The following KCNQ1 variants were observed in gnomAD, a reference collection of about 807,000 sequenced individuals.
KCNQ1 encodes the protein potassium voltage-gated channel subfamily Q member 1, also known as potassium voltage-gated channel subfamily KQT member 1.
Under a neutral mutation model 72.4 loss-of-function variants are expected in KCNQ1, and 49 were observed. The observed-to-expected ratio is 0.68, with a 90% CI of 0.54 to 0.86. The LOEUF (loss-of-function observed/expected upper bound fraction) is 0.86. KCNQ1 is among the 40% of genes least tolerant of loss of function. The pLI is 0.00. For missense variants in KCNQ1, 790 were observed against 945.1 expected (o/e 0.84, Z 2.15); for synonymous variants, 450 against 412.6 (o/e 1.09, Z -1.10).
rs1384357282 is a variant in KCNQ1, at chr11:2,478,231, CA to C, written c.386+32753del. Among the ~76,000 whole-genome samples, 3 of 151,962 alleles carry C rather than the reference CA, an allele frequency of 2.0e-5. No individual in the cohort carries two copies. Among genetic ancestry groups the C allele is most frequent in the African/African-American group, 7.3e-5 (3 of 41,360 alleles). The stretch of plus-strand genomic sequence containing the variant: ...CTGAATACTTTGAAAATGCCAGGGC[CA>C]AAAAACGTAGAAGGCTAAATAAAGT... On this transcript the variant is annotated intron_variant, in intron 1 of 15. Coordinates refer to ENST00000155840, the MANE Select transcript of KCNQ1 (RefSeq NM_000218.3). This position sits in a 1 kb window ranked among gnomAD's most constrained non-coding sequence, Gnocchi z 4.0.
rs372747884 is a variant in KCNQ1 at position 2,710,988 on chromosome 11, A to T, written c.1514+48907A>T. ...CTTGAATTTCCATATGAATTTTACA[A>T]TCAGCTTGTCAATTTCTGCAAAGAA... On this transcript the variant is annotated intron_variant, in intron 11 of 15. Coordinates refer to ENST00000155840, the MANE Select transcript of KCNQ1 (RefSeq NM_000218.3). The surrounding 1 kb of genome is among the most constrained non-coding windows in gnomAD (Gnocchi z 4.1). Among the ~76,000 whole-genome samples the T allele has an allele frequency of 6.6e-6, 1 of 152,180 alleles. No homozygotes were observed. Among genetic ancestry groups the T allele is most frequent in the Admixed American group, 6.5e-5 (1 of 15,278 alleles).
At chr11:2,489,653 G>A (rs576672347) in intron 1 of KCNQ1, among the ~76,000 whole-genome samples, 1 of 152,332 alleles carries the variant, frequency 6.6e-6, no homozygotes, top group South Asian at 2.1e-4. Context: ...GAGCAGTAAA[G>A]AGAACATTGT....
Position 2,540,356 on chromosome 11 carries a change from G to A in KCNQ1, c.477+12338G>A, listed in dbSNP as rs369538136. 5.9e-5 allele frequency among the ~76,000 whole-genome samples: 9 copies of A among 152,242 alleles called. No individual in the cohort carries two copies. In the East Asian group the frequency reaches 9.6e-4, roughly 16 times the overall value. On this transcript the variant is annotated intron_variant, in intron 2 of 15. Transcript: ENST00000155840. ...GTGTCATCATGTGACTTTGCAGGTTGGGGGGACAGGGCTCGGTGCGGCCTC... is the reference window on the plus strand; with the variant it reads ...GTGTCATCATGTGACTTTGCAGGTTAGGGGGACAGGGCTCGGTGCGGCCTC...
At chr11:2,684,893 A>G in intron 11 of KCNQ1, 1 of 398,670 alleles carries the variant, frequency 2.5e-6, no homozygotes, top group Non-Finnish European at 4.4e-6. Flanking sequence ...TTCTTTCACT[A>G]CATCATAAGG....
intron 8 of KCNQ1, 68 bp from the exon 9 acceptor site, chr11:2,587,502 G>T: frequency 1.2e-6 from 2 of 1,605,456 alleles, no homozygotes; most frequent in South Asian, 1.1e-5. Context: ...AGGGGGAGCT[G>T]TAGCTTCCAT....
In KCNQ1 at chr11:2,630,682, A is replaced by G. The variant is rs1156785419; in HGVS notation, c.1394-31279A>G. The G allele has an allele frequency of 2.0e-5, 8 of 398,368 alleles. No individual in the cohort carries two copies. In the South Asian group the frequency reaches 3.8e-4, roughly 19 times the overall value. The allele number at this position is 398,368 out of a possible 1,614,324, so 24.7% of individuals were successfully genotyped here. On this transcript the variant is annotated intron_variant, in intron 10 of 15. Coordinates refer to ENST00000155840, the MANE Select transcript of KCNQ1 (RefSeq NM_000218.3). The stretch of plus-strand genomic sequence containing the variant: ...ATATTTATTTATCAGTGAATTTTGT[A>G]CTTTCATATGTTTTCATGTTACTAA...
intron 10 of KCNQ1, chr11:2,641,349 A>G: frequency 5.0e-6 from 2 of 398,048 alleles, no homozygotes; most frequent in Non-Finnish European, 8.9e-6. Flanking sequence ...AGCCATTCTC[A>G]CTATGGTTTT....
rs1847627092 is a variant in KCNQ1, at chr11:2,816,992, C to T, written c.1795-30775C>T. 6.6e-6 allele frequency among the ~76,000 whole-genome samples: 1 copy of T among 152,108 alleles called. No homozygotes were observed. Among genetic ancestry groups the T allele is most frequent in the African/African-American group, 2.4e-5 (1 of 41,434 alleles). ...CTTGGTCCCTGTCCGCAGAGGGTGT[C>T]AGGGCTTGAGGTCAACAGGGAGGTC... On this transcript the variant is annotated intron_variant, in intron 15 of 15. Coordinates refer to ENST00000155840, the MANE Select transcript of KCNQ1 (RefSeq NM_000218.3). This position sits in a 1 kb window ranked among gnomAD's most constrained non-coding sequence, Gnocchi z 6.8.
In KCNQ1 at chr11:2,752,792, A is replaced by G. The variant is rs540204304; in HGVS notation, c.1515-16052A>G. Among the ~76,000 whole-genome samples the G allele has an allele frequency of 6.6e-6, 1 of 152,318 alleles. No individual in the cohort carries two copies. Among genetic ancestry groups the G allele is most frequent in the African/African-American group, 2.4e-5 (1 of 41,580 alleles). On this transcript the variant is annotated intron_variant, in intron 11 of 15. Coordinates refer to ENST00000155840, the MANE Select transcript of KCNQ1 (RefSeq NM_000218.3). The surrounding 1 kb of genome is among the most constrained non-coding windows in gnomAD (Gnocchi z 5.2). ...GGGAAGACACACACATTCAGACTAC[A>G]GCACCTTGCTCCTGGGGAAACAGAG...
At chr11:2,530,427 GGGGCCAAGGATGCCAGT>G (rs1291160979) in intron 2 of KCNQ1, among the ~76,000 whole-genome samples, 1 of 152,260 alleles carries the variant, frequency 6.6e-6, no homozygotes, top group Non-Finnish European at 1.5e-5. Context: ...TGGAGGGCCT[GGGGCCAAGGATGCCAGT>G]GGTTCCCAGG....
In KCNQ1 at chr11:2,658,660, G is replaced by A. The variant is rs1395085613; in HGVS notation, c.1394-3301G>A. ...TGGCTACTAGGGTATCATTGCTTCA[G>A]TCTCCTCTCAGTGGACAGAGCTAGG... On this transcript the variant is annotated intron_variant, in intron 10 of 15. Coordinates refer to ENST00000155840, the MANE Select transcript of KCNQ1 (RefSeq NM_000218.3). This position sits in a 1 kb window ranked among gnomAD's most constrained non-coding sequence, Gnocchi z 4.9. 5.0e-6 allele frequency: 2 copies of A among 398,338 alleles called. No individual in the cohort carries two copies. Among genetic ancestry groups the A allele is most frequent in the African/African-American group, 4.1e-5 (2 of 48,562 alleles). The allele number at this position is 398,338 out of a possible 1,614,324, so 24.7% of individuals were successfully genotyped here.
rs1012387737 is a variant in KCNQ1 at position 2,492,810 on chromosome 11, A to C, written c.387-35118A>C. 6.6e-6 allele frequency among the ~76,000 whole-genome samples: 1 copy of C among 152,212 alleles called. No individual in the cohort carries two copies. Among genetic ancestry groups the C allele is most frequent in the African/African-American group, 2.4e-5 (1 of 41,436 alleles). On this transcript the variant is annotated intron_variant, in intron 1 of 15. Transcript: ENST00000155840. This position sits in a 1 kb window ranked among gnomAD's most constrained non-coding sequence, Gnocchi z 4.1. Reference sequence around the variant, plus strand: ...GCTATTGTAAATAGTGGTGCAGTAAACATATGTGTGCATGTGTCTTTATAG... The same window carrying C: ...GCTATTGTAAATAGTGGTGCAGTAACCATATGTGTGCATGTGTCTTTATAG...
rs267602833 is a variant in KCNQ1 at position 2,588,749 on chromosome 11, G to A, written c.1288G>A (p.Gly430Arg). 6.2e-7 allele frequency: 1 copy of A among 1,613,652 alleles called. No homozygotes were observed. Among genetic ancestry groups the A allele is most frequent in the Non-Finnish European group, 8.5e-7 (1 of 1,179,898 alleles). ...KKKFKLDKDN[G>R]VTPGEKMLTV... ...AAAGTTCAAGCTGGACAAAGACAAT[G>A]GGGTGACTCCTGGAGAGAAGATGCT... The change falls in exon 10 of 16, where the codon GGG (glycine) becomes AGG (arginine). Residue 430 changes from glycine (G) to arginine (R), a missense_variant. This residue lies in a region of KCNQ1 where 178 missense variants were observed against 177.9 expected (regional missense o/e 1.00). Coordinates refer to ENST00000155840, the MANE Select transcript of KCNQ1 (RefSeq NM_000218.3). The surrounding 1 kb of genome is among the most constrained non-coding windows in gnomAD (Gnocchi z 5.6).
At chr11:2,545,156 C>CT (rs1847887657) in intron 2 of KCNQ1, among the ~76,000 whole-genome samples, 1 of 152,188 alleles carries the variant, frequency 6.6e-6, no homozygotes, top group African/African-American at 2.4e-5. Flanking sequence ...CTCTAGTATT[C>CT]TTTTTGTATA....
intron 2 of KCNQ1, among the ~76,000 whole-genome samples, chr11:2,558,986 C>G (rs1848115785): frequency 6.6e-6 from 1 of 152,142 alleles, no homozygotes; most frequent in African/African-American, 2.4e-5. Flanking sequence ...TTGAGCACCT[C>G]CTGCTCAGAC....
chr11:2,720,192 G>A lies in KCNQ1; in HGVS notation c.1515-48652G>A, dbSNP rs1411646912. Among the ~76,000 whole-genome samples, 1 of 152,208 alleles carries A rather than the reference G, an allele frequency of 6.6e-6. No individual in the cohort carries two copies. The highest frequency in any genetic ancestry group is 1.5e-5 in the Non-Finnish European group (1 of 68,036). Reference sequence around the variant, plus strand: ...GACAGCACAGTCTTCCAAATGGACTGTGGGCATGATGGATGTGTAAAGAAT... The same window carrying A: ...GACAGCACAGTCTTCCAAATGGACTATGGGCATGATGGATGTGTAAAGAAT... On this transcript the variant is annotated intron_variant, in intron 11 of 15. Transcript: ENST00000155840. This position sits in a 1 kb window ranked among gnomAD's most constrained non-coding sequence, Gnocchi z 5.1.
chr11:2,450,467 A>G lies in KCNQ1; in HGVS notation c.386+4983A>G, dbSNP rs1846105684. Among the ~76,000 whole-genome samples the G allele has an allele frequency of 6.6e-6, 1 of 151,990 alleles. No individual in the cohort carries two copies. The highest frequency in any genetic ancestry group is 1.5e-5 in the Non-Finnish European group (1 of 67,982). On this transcript the variant is annotated intron_variant, in intron 1 of 15. Coordinates refer to ENST00000155840, the MANE Select transcript of KCNQ1 (RefSeq NM_000218.3). This position sits in a 1 kb window ranked among gnomAD's most constrained non-coding sequence, Gnocchi z 7.9. ...GGCCACTTTGACCCAGACCCCAAGG[A>G]TTTGGTTACAGAGGGGAGGGCGGCA... is the stretch of plus-strand genomic sequence containing the variant.
chr11:2,549,110 A>G lies in KCNQ1; in HGVS notation c.477+21092A>G, dbSNP rs1589944282. Among the ~76,000 whole-genome samples, 1 of 152,056 alleles carries G rather than the reference A, an allele frequency of 6.6e-6. No homozygotes were observed. Among genetic ancestry groups the G allele is most frequent in the African/African-American group, 2.4e-5 (1 of 41,364 alleles). The stretch of plus-strand genomic sequence containing the variant: ...CACCCAAGGGAGAGTGGCTGGGTGG[A>G]GAGGGGGCAGGCTGAGATCTGAGAA... On this transcript the variant is annotated intron_variant, in intron 2 of 15. Transcript: ENST00000155840. The surrounding 1 kb of genome is among the most constrained non-coding windows in gnomAD (Gnocchi z 6.2).
In KCNQ1 at chr11:2,658,810, CTTAT is replaced by C. The variant is rs1434712098; in HGVS notation, c.1394-3146_1394-3143del. ...TTCATCCTTGCCCCCTCCCCCACAA[CTTAT>C]TTATAGCTTTTTCTCTGACAGCTAG... On this transcript the variant is annotated intron_variant, in intron 10 of 15. Transcript: ENST00000155840. This position sits in a 1 kb window ranked among gnomAD's most constrained non-coding sequence, Gnocchi z 4.9. The C allele has an allele frequency of 1.3e-5, 5 of 398,512 alleles. No individual in the cohort carries two copies. Among genetic ancestry groups the C allele is most frequent in the African/African-American group, 1.0e-4 (5 of 48,620 alleles). 24.7% of individuals were successfully genotyped at this position (398,512 alleles called of 1,614,324 possible).
Sources: allele counts gnomAD v4.1 joint callset (sites outside exome capture counted in the v4.1 genomes callset), GRCh38; gene constraint gnomAD v4.1.1; regional missense constraint gnomAD v4.1.1; non-coding constraint Gnocchi (gnomAD v3.1); transcripts MANE v1.5; gene names NCBI Gene and HGNC (gene_info 2026-07-23, HGNC 2026-07-21).